The following TTC33 variants were observed in gnomAD, a reference collection of about 807,000 sequenced individuals.
TTC33 encodes the protein tetratricopeptide repeat domain 33.
Under a neutral mutation model 29.4 loss-of-function variants are expected in TTC33, and 24 were observed. That is an observed-to-expected ratio of 0.82 (90% CI 0.59 to 1.15). The LOEUF is 1.15. Among genes scored for constraint, TTC33 ranks in the 50% most tolerant of loss-of-function variants. The pLI, the probability that TTC33 is intolerant of heterozygous loss-of-function variation, is 0.00. For synonymous variants in TTC33, 107 were observed against 100.3 expected (o/e 1.07, Z -0.40); for missense variants, 286 against 310.4 (o/e 0.92, Z 0.59).
intron 4 of TTC33, among the ~76,000 whole-genome samples, chr5:40,718,062 CA>C (rs138655383): frequency 9.6e-4 from 127 of 132,526 alleles, no homozygotes; most frequent in East Asian, 2.2e-3. Flanking sequence ...AACTCCGTCT[CA>C]AAAAAAAAAA....
chr5:40,719,106 T>C (rs570873835), intron 4 of TTC33, among the ~76,000 whole-genome samples: 25 of 152,164 alleles, frequency 1.6e-4, no homozygotes, highest in Non-Finnish European at 3.4e-4. Context: ...AGCTCACCCA[T>C]TTAAAACATA....
intron 4 of TTC33, among the ~76,000 whole-genome samples, chr5:40,727,469 T>C (rs1334050565): frequency 2.0e-5 from 3 of 152,238 alleles, no homozygotes; most frequent in Non-Finnish European, 4.4e-5. Flanking sequence ...CAAGGTATAG[T>C]CCAGACAAAT....
chr5:40,746,277 C>T (rs1186965401), intron 2 of TTC33, among the ~76,000 whole-genome samples: 3 of 152,060 alleles, frequency 2.0e-5, no homozygotes, highest in African/African-American at 7.2e-5. Flanking sequence ...AACAACTTAG[C>T]TAAAGAAGGG....
At chr5:40,723,913 G>A (rs959035569) in intron 4 of TTC33, among the ~76,000 whole-genome samples, 1 of 152,126 alleles carries the variant, frequency 6.6e-6, no homozygotes, top group African/African-American at 2.4e-5. Context: ...TGAGGTTATG[G>A]AGAAACTGGA....
rs964490633 is a variant in TTC33, at chr5:40,714,845, GCTA to G, written c.*1297_*1299del. 5 of 152,122 alleles carry G rather than the reference GCTA, an allele frequency of 3.3e-5. No individual in the cohort carries two copies. Among genetic ancestry groups the G allele is most frequent in the Non-Finnish European group, 7.4e-5 (5 of 67,948 alleles). 9.4% of individuals were successfully genotyped at this position (152,122 alleles called of 1,614,324 possible). A position where few individuals can be genotyped will look rare whatever the true frequency, so the allele number is the denominator to read the frequency against. On this transcript the variant is annotated 3_prime_UTR_variant, in exon 5 of 5. Coordinates refer to ENST00000337702, the MANE Select transcript of TTC33 (RefSeq NM_012382.3). ...TAGTAAGATCTTTAACATAAAGTGG[GCTA>G]CTTTCATCTCTAACAAAGATAAAAT...
chr5:40,736,580 C>T (rs1206745980), intron 2 of TTC33, among the ~76,000 whole-genome samples: 1 of 151,982 alleles, frequency 6.6e-6, no homozygotes, highest in African/African-American at 2.4e-5. Flanking sequence ...TAGAAAAAGC[C>T]ACTTGAACAA....
At position 40,713,820 on chromosome 5, in the gene TTC33, T is replaced by G. The variant is rs1425630590; in HGVS notation, c.*2325A>C. On this transcript the variant is annotated 3_prime_UTR_variant, in exon 5 of 5. Transcript: ENST00000337702. The stretch of plus-strand genomic sequence containing the variant: ...TCAATTCTCTTCAGATTCATAAAGA[T>G]TTGTTATTAAAATTAACAAGCTTAG... Among the ~76,000 whole-genome samples the G allele has an allele frequency of 6.6e-6, 1 of 152,082 alleles. No homozygotes were observed. The highest frequency in any genetic ancestry group is 1.5e-5 in the Non-Finnish European group (1 of 67,998).
rs1741935742 is a variant in TTC33, at chr5:40,713,371, G to C, written c.*2774C>G. Among the ~76,000 whole-genome samples the C allele has an allele frequency of 6.6e-6, 1 of 152,100 alleles. No homozygotes were observed. Among genetic ancestry groups the C allele is most frequent in the Non-Finnish European group, 1.5e-5 (1 of 67,990 alleles). ...ACAACTAAAAGGGCTATACTGTTCA[G>C]TTATAATCTTAAAAATTCTAGCTGA... On this transcript the variant is annotated 3_prime_UTR_variant, in exon 5 of 5. Transcript: ENST00000337702.
At chr5:40,730,084 G>GA (rs1742387377) in intron 3 of TTC33, among the ~76,000 whole-genome samples, 178 bp downstream of exon 3, 1 of 152,136 alleles carries the variant, frequency 6.6e-6, no homozygotes, top group Non-Finnish European at 1.5e-5. Flanking sequence ...AAAGGCAAAT[G>GA]AATTTCCAGT....
chr5:40,720,626 C>CT (rs1270340130), intron 4 of TTC33, among the ~76,000 whole-genome samples: 1 of 152,138 alleles, frequency 6.6e-6, no homozygotes, highest in Non-Finnish European at 1.5e-5. Context: ...GTGGGAAGCC[C>CT]TGGACCCTCC....
Position 40,711,617 on chromosome 5 carries a change from A to C in TTC33, c.*4528T>G, listed in dbSNP as rs1741900753. ...TAGCAGCTTTATTCATAATAGATCAAAACTTGAAACAACCTAAATGTCCAT... is the reference window on the plus strand; with the variant it reads ...TAGCAGCTTTATTCATAATAGATCACAACTTGAAACAACCTAAATGTCCAT... On this transcript the variant is annotated 3_prime_UTR_variant, in exon 5 of 5. Coordinates refer to ENST00000337702, the MANE Select transcript of TTC33 (RefSeq NM_012382.3). 6.6e-6 allele frequency among the ~76,000 whole-genome samples: 1 copy of C among 152,146 alleles called. No homozygotes were observed. The highest frequency in any genetic ancestry group is 1.5e-5 in the Non-Finnish European group (1 of 68,010).
intron 1 of TTC33, among the ~76,000 whole-genome samples, chr5:40,751,532 G>A (rs1742894264): frequency 6.6e-6 from 1 of 152,208 alleles, no homozygotes; most frequent in South Asian, 2.1e-4. Flanking sequence ...TCAATTTAAA[G>A]TTCCCAGCTA....
At chr5:40,722,609 G>T (rs1742166626) in intron 4 of TTC33, among the ~76,000 whole-genome samples, 1 of 152,038 alleles carries the variant, frequency 6.6e-6, no homozygotes, top group South Asian at 2.1e-4. Flanking sequence ...CGTCTGAGAA[G>T]TGAGGAGCCC....
intron 2 of TTC33, among the ~76,000 whole-genome samples, chr5:40,737,018 G>C (rs1312099463): frequency 1.3e-5 from 2 of 152,150 alleles, no homozygotes; most frequent in African/African-American, 4.8e-5. Context: ...ACTCAAGGTT[G>C]AGCATGGTGG....
chr5:40,744,731 C>T (rs965582087), intron 2 of TTC33, among the ~76,000 whole-genome samples: 2 of 152,040 alleles, frequency 1.3e-5, no homozygotes, highest in African/African-American at 4.8e-5. Context: ...TTCAAATCAA[C>T]AATTCTTATA....
At chr5:40,746,481 C>A (rs1742790573) in intron 2 of TTC33, among the ~76,000 whole-genome samples, 1 of 152,060 alleles carries the variant, frequency 6.6e-6, no homozygotes, top group Non-Finnish European at 1.5e-5. Flanking sequence ...ATAAGACCAC[C>A]TTTTACTGAC....
chr5:40,733,487 C>T (rs1399770109), intron 2 of TTC33, among the ~76,000 whole-genome samples: 1 of 152,130 alleles, frequency 6.6e-6, no homozygotes, highest in South Asian at 2.1e-4. Context: ...TTTGCCAACC[C>T]TAGATCTACT....
chr5:40,751,226 T>C (rs902237417), intron 1 of TTC33, among the ~76,000 whole-genome samples: 2 of 149,524 alleles, frequency 1.3e-5, no homozygotes, highest in African/African-American at 4.8e-5. Context: ...CCTTGATCCA[T>C]GGGCTGAGGA....
intron 4 of TTC33, among the ~76,000 whole-genome samples, chr5:40,724,789 A>C (rs916428628): frequency 8.5e-5 from 13 of 152,186 alleles, no homozygotes; most frequent in African/African-American, 3.1e-4. Context: ...ATTATAAAAA[A>C]GATAATGCAG....
Sources: gnomAD v4.1 joint callset for allele counts (sites outside exome capture counted in the v4.1 genomes callset) on GRCh38, gnomAD v4.1.1 for gene constraint, MANE v1.5 for transcripts, NCBI Gene and HGNC (gene_info 2026-07-23, HGNC 2026-07-21) for gene names.